NFATC2: variants seen among roughly 807,000 people sequenced by gnomAD.
NFATC2 encodes nuclear factor of activated T-cells, cytoplasmic 2.
NFATC2 carries 22 observed loss-of-function variants against 87.3 expected under a neutral mutation model. The ratio of observed to expected loss-of-function variants is 0.25; its 90% CI spans 0.18 to 0.36. The LOEUF (loss-of-function observed/expected upper bound fraction) is 0.36, where lower values mean the gene tolerates loss of function less well. NFATC2 is among the 10% of genes least tolerant of loss of function. The pLI is 1.00. For synonymous variants in NFATC2, 565 were observed against 542.2 expected, an observed-to-expected ratio of 1.04 and a Z score of -0.58; for missense variants, 1,149 against 1,259.1, an observed-to-expected ratio of 0.91 and a Z score of 1.32.
intron 1 of NFATC2, among the ~76,000 whole-genome samples, chr20:51,539,001 G>C (rs914321449): frequency 1.3e-5 from 2 of 152,120 alleles, no homozygotes; most frequent in Non-Finnish European, 2.9e-5. Context: ...ACATGGTATG[G>C]AGCAACACTG....
At chr20:51,461,254 T>C (rs1987114450) in intron 5 of NFATC2, among the ~76,000 whole-genome samples, 1 of 152,210 alleles carries the variant, frequency 6.6e-6, no homozygotes, top group Non-Finnish European at 1.5e-5. Flanking sequence ...CCTCCCAGGC[T>C]TGCACCCACC....
chr20:51,481,604 G>A (rs932220672), intron 3 of NFATC2, among the ~76,000 whole-genome samples: 2 of 152,156 alleles, frequency 1.3e-5, no homozygotes, highest in African/African-American at 4.8e-5. Flanking sequence ...GGAGGGGAGT[G>A]TCTGTGGCGT....
intron 5 of NFATC2, among the ~76,000 whole-genome samples, chr20:51,466,699 AT>A (rs888920208): frequency 1.4e-4 from 21 of 152,332 alleles, no homozygotes; most frequent in African/African-American, 5.1e-4. Context: ...TCCTGGAGGA[AT>A]GCAAAAAGCA....
chr20:51,397,210 T>C (rs1987295029), intron 10 of NFATC2, among the ~76,000 whole-genome samples: 1 of 152,186 alleles, frequency 6.6e-6, no homozygotes, highest in African/African-American at 2.4e-5. Flanking sequence ...GTCTCAAAAC[T>C]GAAAAGGCCT....
chr20:51,495,670 C>T (rs1209994485), intron 3 of NFATC2, among the ~76,000 whole-genome samples: 1 of 152,240 alleles, frequency 6.6e-6, no homozygotes, highest in Non-Finnish European at 1.5e-5. Context: ...AATTGACTCA[C>T]TCCCTCTTAC....
chr20:51,478,116 C>T (rs777496278), intron 3 of NFATC2, among the ~76,000 whole-genome samples: 2 of 152,156 alleles, frequency 1.3e-5, no homozygotes, highest in African/African-American at 4.8e-5. Flanking sequence ...TAGATGATCA[C>T]CTTTTTTCAT....
At chr20:51,459,176 G>A (rs1986877393) in intron 5 of NFATC2, among the ~76,000 whole-genome samples, 1 of 152,190 alleles carries the variant, frequency 6.6e-6, no homozygotes, top group African/African-American at 2.4e-5. Context: ...TGGATACACA[G>A]ATAAACAAAG....
intron 9 of NFATC2, among the ~76,000 whole-genome samples, chr20:51,423,450 C>T (rs1483976071): frequency 6.6e-6 from 1 of 152,112 alleles, no homozygotes; most frequent in Non-Finnish European, 1.5e-5. Flanking sequence ...ATGGTACATC[C>T]AGCATAGCAC....
In NFATC2 at chr20:51,523,355, G is replaced by C. The variant is rs1462847518; in HGVS notation, c.886C>G (p.Pro296Ala). Residue 296 changes from proline to alanine, a missense_variant, in exon 2 of 11, where the codon CCT becomes GCT. Physicochemically the swap from Pro to Ala is conservative, Grantham distance 27 (BLOSUM62 -1). Transcript: ENST00000371564. The surrounding 1 kb of genome is among the most constrained non-coding windows in gnomAD (Gnocchi z 6.9). Reference protein sequence around the residue: ...QDHGSPAGYPPVAGSAVIMDA... With the variant: ...QDHGSPAGYPAVAGSAVIMDA... ...ATGATCACGGCAGAGCCAGCCACAG[G>C]GGGGTACCCAGCCGGGGAGCCGTGG... 1.2e-6 allele frequency: 2 copies of C among 1,612,178 alleles called. No individual in the cohort carries two copies. Among genetic ancestry groups the C allele is most frequent in the South Asian group, 1.1e-5 (1 of 90,956 alleles).
intron 3 of NFATC2, among the ~76,000 whole-genome samples, chr20:51,500,401 G>A (rs1328245234): frequency 6.6e-6 from 1 of 152,150 alleles, no homozygotes; most frequent in Middle Eastern, 3.4e-3. Context: ...TTGAAGAGAA[G>A]TTGGAACTCC....
chr20:51,523,516 G>A lies in NFATC2; in HGVS notation c.725C>T (p.Ala242Val). 3 of 1,613,282 alleles carry A rather than the reference G, an allele frequency of 1.9e-6. No homozygotes were observed. Among genetic ancestry groups the A allele is most frequent in the Non-Finnish European group, 2.5e-6 (3 of 1,179,638 alleles). The change falls in exon 2 of 11, where the codon GCC becomes GTC. Residue 242 changes from alanine (A) to valine (V), a missense_variant. Transcript: ENST00000371564. The surrounding 1 kb of genome is among the most constrained non-coding windows in gnomAD (Gnocchi z 6.9). ...LGRHSPVPRP[A>V]SRSSSPGAKR... ...GGCACCAGGCGATGAGGAGCGGGAG[G>A]CCGGACGGGGCACGGGCGAGTGGCG...
At chr20:51,535,334 T>C (rs2076702464) in intron 1 of NFATC2, among the ~76,000 whole-genome samples, 1 of 152,236 alleles carries the variant, frequency 6.6e-6, no homozygotes, top group African/African-American at 2.4e-5. Flanking sequence ...GTTTGGTCTC[T>C]TACTGATCCC....
intron 5 of NFATC2, among the ~76,000 whole-genome samples, chr20:51,472,783 A>G (rs1228898005): frequency 1.3e-5 from 2 of 151,834 alleles, no homozygotes; most frequent in Middle Eastern, 3.4e-3. Context: ...TTACAGGCGC[A>G]TACCACCACA....
intron 3 of NFATC2, among the ~76,000 whole-genome samples, chr20:51,476,539 T>A (rs1988733637): frequency 6.6e-6 from 1 of 152,206 alleles, no homozygotes; most frequent in South Asian, 2.1e-4. Flanking sequence ...CTCTCTCTCC[T>A]ACTTTTTATC....
chr20:51,562,668 G>C (rs1342222253), upstream of NFATC2: 3 of 1,537,026 alleles, frequency 2.0e-6, no homozygotes, highest in Non-Finnish European at 2.6e-6. The surrounding 1 kb of genome is among the most constrained non-coding windows in gnomAD (Gnocchi z 5.8). Context: ...TTGGAAAGGG[G>C]GATCTGTTTG....
At chr20:51,407,854 T>A (rs1049413054) in intron 9 of NFATC2, among the ~76,000 whole-genome samples, 3 of 152,270 alleles carry the variant, frequency 2.0e-5, no homozygotes, top group African/African-American at 7.2e-5. Flanking sequence ...CGTTTGTGAA[T>A]ATCTCCATCC....
At chr20:51,473,386 C>T (rs919605818) in intron 5 of NFATC2, among the ~76,000 whole-genome samples, 36 of 152,154 alleles carry the variant, frequency 2.4e-4, no homozygotes, top group Non-Finnish European at 4.4e-4. Flanking sequence ...ATGCCTCCCA[C>T]GTGCAAAAGC....
At chr20:51,449,251 A>T (rs148102473) in intron 6 of NFATC2, among the ~76,000 whole-genome samples, 35 of 152,288 alleles carry the variant, frequency 2.3e-4, no homozygotes, top group African/African-American at 7.5e-4. Flanking sequence ...GGAAAAAAGA[A>T]GTTGAGCAAC....
At chr20:51,445,281 T>G (rs931461767) in intron 6 of NFATC2, among the ~76,000 whole-genome samples, 1 of 152,126 alleles carries the variant, frequency 6.6e-6, no homozygotes, top group African/African-American at 2.4e-5. Context: ...TCAAATGCCC[T>G]AAGCTCATCT....
Sources: gnomAD v4.1 joint callset for allele counts (sites outside exome capture counted in the v4.1 genomes callset) on GRCh38, gnomAD v4.1.1 for gene constraint, Gnocchi (gnomAD v3.1) non-coding constraint, MANE v1.5 for transcripts, NCBI Gene and HGNC (gene_info 2026-07-23, HGNC 2026-07-21) for gene names.